ALS2CL: variants seen among roughly 807,000 people sequenced by gnomAD.
The protein encoded by ALS2CL is ALS2 C-terminal-like protein.
ALS2CL carries 112 observed loss-of-function variants against 127.9 expected under a neutral mutation model. The observed-to-expected ratio is 0.88, with a 90% confidence interval of 0.75 to 1.02. ALS2CL has a LOEUF of 1.02. Among genes scored for constraint, ALS2CL ranks in the 50% least tolerant of loss-of-function variants. The pLI, the probability that ALS2CL is intolerant of heterozygous loss-of-function variation, is 0.00. For synonymous variants in ALS2CL, 519 were observed against 527.6 expected (o/e 0.98, Z 0.22); for missense variants, 1,174 against 1,236.7 (o/e 0.95, Z 0.76).
At position 46,681,443 on chromosome 3, in the gene ALS2CL, G is replaced by A; in HGVS notation, c.1275-36C>T. On this transcript the variant is annotated intron_variant, in intron 12 of 25. Transcript: ENST00000318962. This position sits in a 1 kb window ranked among gnomAD's most constrained non-coding sequence, Gnocchi z 4.9. ...CCATCAACAACGAGCTCTGCCTCAT[G>A]GAGCTCAGCCCAGAGGATGGGCCCA... 1 of 1,610,750 alleles carries A rather than the reference G, an allele frequency of 6.2e-7. No individual in the cohort carries two copies. Among genetic ancestry groups the A allele is most frequent in the Non-Finnish European group, 8.5e-7 (1 of 1,177,424 alleles).
rs1347453239 is a variant in ALS2CL, at chr3:46,687,769, C to T, written c.303-85G>A. The T allele has an allele frequency of 5.8e-6, 8 of 1,389,812 alleles. No homozygotes were observed. In the African/African-American group the frequency reaches 1.0e-4, roughly 17 times the overall value. The allele number at this position is 1,389,812 out of a possible 1,614,324, so 86.1% of individuals were successfully genotyped here. On this transcript the variant is annotated intron_variant, in intron 3 of 25. Transcript: ENST00000318962. ...TGGTCCCTGGGATCCCCAGATCCCA[C>T]CCACTAGTCAGCTGCAGCCCTGAGG...
chr3:46,678,451 G>C, intron 15 of ALS2CL, 62 bp from the exon 16 acceptor site: 1 of 1,564,032 alleles, frequency 6.4e-7, no homozygotes, highest in East Asian at 2.3e-5. Context: ...AGCCAATCAT[G>C]ACAGGCCACA....
rs754870851 is a variant in ALS2CL, at chr3:46,673,326, G to A, written c.2472+13C>T. 20 of 1,559,974 alleles carry A rather than the reference G, an allele frequency of 1.3e-5. No individual in the cohort carries two copies. Among genetic ancestry groups the A allele is most frequent in the Middle Eastern group, 1.7e-4 (1 of 5,948 alleles). On this transcript the variant is annotated intron_variant, in intron 22 of 25. Coordinates refer to ENST00000318962, the MANE Select transcript of ALS2CL (RefSeq NM_147129.5). ...TGGGGGCCCCTGGCTTGGGGCTCTG[G>A]CCTCCCTCTCACCTGATTGCTCGTC...
In ALS2CL at chr3:46,682,056, C is replaced by A; in HGVS notation, c.1148G>T (p.Gly383Val). ...LKWPDGRNHV[G>V]NFCQGLEHGF... The stretch of plus-strand genomic sequence containing the variant: ...ATGCTCCAGGCCCTGGCAGAAATTC[C>A]CCACGTGATTCCGCCCATCCGGCCA... Residue 383 changes from glycine (G) to valine (V), a missense_variant, in exon 11 of 26, where the codon GGG (glycine) becomes GTG (valine). Transcript: ENST00000318962. The A allele has an allele frequency of 6.2e-7, 1 of 1,614,052 alleles. No homozygotes were observed. Among genetic ancestry groups the A allele is most frequent in the Non-Finnish European group, 8.5e-7 (1 of 1,179,980 alleles).
At chr3:46,674,979 C>T in intron 20 of ALS2CL, 1 of 431,716 alleles carries the variant, frequency 2.3e-6, no homozygotes, top group Non-Finnish European at 4.1e-6. Context: ...GGAGTTGGAT[C>T]CCCATTTGAC....
Position 46,671,513 on chromosome 3 carries a change from T to C in ALS2CL, c.2756A>G (p.Tyr919Cys), listed in dbSNP as rs769257848. 1.7e-4 allele frequency: 278 copies of C among 1,613,894 alleles called. No individual in the cohort carries two copies. Among genetic ancestry groups the C allele is most frequent in the Non-Finnish European group, 2.3e-4 (273 of 1,179,988 alleles). The change falls in exon 25 of 26, where the codon TAT (tyrosine) becomes TGT (cysteine). Residue 919 changes from tyrosine (Y) to cysteine (C), a missense_variant. Tyr to Cys is a radical substitution (Grantham distance 194). Transcript: ENST00000318962. ...CTCCAGGGCTGTGAGCAGGAAGTCA[T>C]ACAGGCCTCCTGTGTGGTTGGGGTC... is the stretch of plus-strand genomic sequence containing the variant. ...MMDPNHTGGLYDFLLTALESC... is the reference protein window; with the variant it reads ...MMDPNHTGGLCDFLLTALESC...
chr3:46,672,259 C>A, intron 22 of ALS2CL, 58 bp from the exon 23 acceptor site: 2 of 1,601,000 alleles, frequency 1.2e-6, no homozygotes, highest in South Asian at 2.2e-5. Context: ...CTGACATCCC[C>A]TCCTTCCCAG....
In ALS2CL at chr3:46,682,074, T is replaced by C. The variant is rs774951781; in HGVS notation, c.1130A>G (p.Asp377Gly). Residue 377 changes from aspartate (D) to glycine (G), a missense_variant, in exon 11 of 26, where the codon GAT becomes GGT. Coordinates refer to ENST00000318962, the MANE Select transcript of ALS2CL (RefSeq NM_147129.5). ...GAAATTCCCCACGTGATTCCGCCCA[T>C]CCGGCCATTTCAGGGTTCCCCTGGA... The part of the protein sequence containing the change: ...PHGKGTLKWP[D>G]GRNHVGNFCQ... The C allele has an allele frequency of 5.0e-6, 8 of 1,613,834 alleles. No homozygotes were observed. Among genetic ancestry groups the C allele is most frequent in the Admixed American group, 1.7e-5 (1 of 59,982 alleles).
intron 3 of ALS2CL, 47 bp downstream of exon 3, chr3:46,688,051 A>G: frequency 1.9e-6 from 3 of 1,593,598 alleles, no homozygotes; most frequent in Non-Finnish European, 2.6e-6. Context: ...GCCAGGTGTC[A>G]CTCTGACACC....
intron 3 of ALS2CL, 87 bp from the exon 4 acceptor site, chr3:46,687,771 C>T: frequency 7.2e-7 from 1 of 1,381,356 alleles, no homozygotes; most frequent in Non-Finnish European, 9.9e-7. Context: ...AGATCCCACC[C>T]ACTAGTCAGC....
chr3:46,691,084 C>A (rs1472191871), intron 1 of ALS2CL, among the ~76,000 whole-genome samples: 1 of 152,198 alleles, frequency 6.6e-6, no homozygotes, highest in Non-Finnish European at 1.5e-5. Flanking sequence ...TCTGTGGGCC[C>A]CTGAGGCAGA....
chr3:46,672,206 A>G lies in ALS2CL; in HGVS notation c.2473-5T>C, dbSNP rs1268792967. 6.2e-7 allele frequency: 1 copy of G among 1,613,788 alleles called. No individual in the cohort carries two copies. Among genetic ancestry groups the G allele is most frequent in the African/African-American group, 1.3e-5 (1 of 74,952 alleles). On this transcript the variant is annotated splice_region_variant and splice_polypyrimidine_tract_variant and intron_variant, in intron 22 of 25. Transcript: ENST00000318962. ...GTCCCTGACCAGGGAGTACCTCTGC[A>G]TGGTGGAGGGAGTGGGCTGGATGAG...
rs1273491046 is a variant in ALS2CL, at chr3:46,671,588, G to C, written c.2685-4C>G. The C allele has an allele frequency of 6.2e-7, 1 of 1,613,566 alleles. No individual in the cohort carries two copies. Among genetic ancestry groups the C allele is most frequent in the African/African-American group, 1.3e-5 (1 of 74,766 alleles). ...CTCGGCTCCCAGGTGCTGAATTCTG[G>C]AGAACACCGCCCCACCAAGAGAGCG... On this transcript the variant is annotated splice_region_variant and splice_polypyrimidine_tract_variant and intron_variant, in intron 24 of 25. Transcript: ENST00000318962.
rs1175271086 is a variant in ALS2CL at position 46,686,060 on chromosome 3, G to C, written c.666+248C>G. Among the ~76,000 whole-genome samples the C allele has an allele frequency of 6.6e-6, 1 of 152,206 alleles. No homozygotes were observed. Among genetic ancestry groups the C allele is most frequent in the East Asian group, 1.9e-4 (1 of 5,186 alleles). On this transcript the variant is annotated intron_variant, in intron 6 of 25. Transcript: ENST00000318962. This position sits in a 1 kb window ranked among gnomAD's most constrained non-coding sequence, Gnocchi z 4.3. ...AGGGTGTGATCGGTGATATCCCCAGGGGAGAGGACTGGTTCTGCTGATTGC... is the reference window on the plus strand; with the variant it reads ...AGGGTGTGATCGGTGATATCCCCAGCGGAGAGGACTGGTTCTGCTGATTGC...
chr3:46,677,835 T>G (rs1698985112), intron 16 of ALS2CL, among the ~76,000 whole-genome samples: 1 of 152,250 alleles, frequency 6.6e-6, no homozygotes, highest in Non-Finnish European at 1.5e-5. Flanking sequence ...AGTTTCCTTC[T>G]TTACCTTGGC....
Position 46,682,039 on chromosome 3 carries a change from G to A in ALS2CL, c.1165C>T (p.Leu389=), listed in dbSNP as rs781397392. The A allele has an allele frequency of 1.9e-6, 3 of 1,614,018 alleles. No individual in the cohort carries two copies. The highest frequency in any genetic ancestry group is 8.5e-7 in the Non-Finnish European group (1 of 1,179,968). Residue 389 remains leucine (L), a synonymous_variant, in exon 11 of 26, where the codon CTG becomes TTG. Transcript: ENST00000318962. Reference sequence around the variant, plus strand: ...CCCAGCCAGCCTTACCCATGCTCCAGGCCCTGGCAGAAATTCCCCACGTGA... The same window carrying A: ...CCCAGCCAGCCTTACCCATGCTCCAAGCCCTGGCAGAAATTCCCCACGTGA... The part of the protein sequence containing the change: ...RNHVGNFCQG[L]EHGFGIRLLP...
In ALS2CL at chr3:46,669,518, G is replaced by A. The variant is rs1165134628; in HGVS notation, c.*1466C>T. 1 of 152,334 alleles carries A rather than the reference G, an allele frequency of 6.6e-6. No homozygotes were observed. The highest frequency in any genetic ancestry group is 1.5e-5 in the Non-Finnish European group (1 of 68,090). 9.4% of individuals were successfully genotyped at this position (152,334 alleles called of 1,614,324 possible). On this transcript the variant is annotated 3_prime_UTR_variant, in exon 26 of 26. Coordinates refer to ENST00000318962, the MANE Select transcript of ALS2CL (RefSeq NM_147129.5). ...GCTGTCCTCACTTATCAGGGGACAA[G>A]AGCTGGCTGATGCCGATTGGAAAGG... is the stretch of plus-strand genomic sequence containing the variant.
intron 3 of ALS2CL, 139 bp downstream of exon 3, chr3:46,687,958 AG>A (rs1214282984): frequency 2.7e-6 from 3 of 1,099,992 alleles, no homozygotes; most frequent in Non-Finnish European, 2.6e-6. Context: ...GGCTGAACCC[AG>A]GTGAGCACCA....
rs142005181 is a variant in ALS2CL, at chr3:46,680,158, G to A, written c.1548+272C>T. On this transcript the variant is annotated intron_variant, in intron 14 of 25. Transcript: ENST00000318962. Reference sequence around the variant, plus strand: ...TCAGCTAATGCATCATCATGAGCAAGTGCTCCATTCTTGTTAGTTCATTGA... The same window carrying A: ...TCAGCTAATGCATCATCATGAGCAAATGCTCCATTCTTGTTAGTTCATTGA... 4.6e-4 allele frequency: 205 copies of A among 450,482 alleles called. 4 individuals are homozygous for A. In the East Asian group the frequency reaches 7.2e-3, roughly 16 times the overall value. The allele number at this position is 450,482 out of a possible 1,614,324, so 27.9% of individuals were successfully genotyped here. A position where few individuals can be genotyped will look rare whatever the true frequency, so the allele number is the denominator to read the frequency against.
Sources: gnomAD v4.1 joint callset for allele counts (sites outside exome capture counted in the v4.1 genomes callset) on GRCh38, gnomAD v4.1.1 for gene constraint, Gnocchi (gnomAD v3.1) non-coding constraint, MANE v1.5 for transcripts, NCBI Gene and HGNC (gene_info 2026-07-23, HGNC 2026-07-21) for gene names.